The following CA10 variants were observed in gnomAD, a reference collection of about 807,000 sequenced individuals.
CA10 encodes the protein carbonic anhydrase 10 (inactive), also known as carbonic anhydrase-related protein 10.
In CA10, 14 loss-of-function variants were observed where a neutral mutation model predicts 44.2. The observed-to-expected ratio is 0.32, with a 90% CI of 0.21 to 0.50. The LOEUF (loss-of-function observed/expected upper bound fraction) is 0.50, where lower values mean the gene tolerates loss of function less well. CA10 is among the 20% of genes least tolerant of loss of function. The pLI is 0.99. For missense variants in CA10, 350 were observed against 409.7 expected, an observed-to-expected ratio of 0.85 and a Z score of 1.26; for synonymous variants, 159 against 141.6, an observed-to-expected ratio of 1.12 and a Z score of -0.87.
chr17:52,100,594 C>A (rs1988515254), intron 1 of CA10, among the ~76,000 whole-genome samples: 1 of 152,198 alleles, frequency 6.6e-6, no homozygotes, highest in Non-Finnish European at 1.5e-5. Context: ...TCCTCAACAG[C>A]ATAAAAATGT....
chr17:51,697,395 C>A lies in CA10; in HGVS notation c.466-43659G>T, dbSNP rs189131862. The stretch of plus-strand genomic sequence containing the variant: ...AAGTGCCTGCCTCAGGGCCTTTGTA[C>A]CAGCTCTTCCCTTTGCTCAAACATT... On this transcript the variant is annotated intron_variant, in intron 4 of 8. Transcript: ENST00000451037. Among the ~76,000 whole-genome samples, 12 of 152,320 alleles carry A rather than the reference C, an allele frequency of 7.9e-5. No homozygotes were observed. The East Asian group carries it at 1.7e-3, about 22-fold the overall frequency.
intron 4 of CA10, among the ~76,000 whole-genome samples, chr17:51,668,581 C>T (rs756760): frequency 0.65 from 99,477 of 152,090 alleles, 32,776 homozygotes; most frequent in Admixed American, 0.68. Flanking sequence ...CTGTTTTGTC[C>T]GGTGTACTGT....
intron 1 of CA10, among the ~76,000 whole-genome samples, chr17:52,108,194 T>TATATATATATA (rs1567735876): frequency 0.015 from 872 of 57,550 alleles, 2 homozygotes; most frequent in Non-Finnish European, 0.017. Flanking sequence ...TATATATTTT[T>TATATATATATA]TATATATATA....
intron 1 of CA10, among the ~76,000 whole-genome samples, chr17:52,155,542 C>T (rs1313295848): frequency 6.6e-6 from 1 of 152,138 alleles, no homozygotes; most frequent in Non-Finnish European, 1.5e-5. Flanking sequence ...TTCTCACATA[C>T]ATGGGCATTA....
At chr17:51,756,660 T>G (rs1412547366) in intron 3 of CA10, among the ~76,000 whole-genome samples, 2 of 151,934 alleles carry the variant, frequency 1.3e-5, no homozygotes, top group East Asian at 3.9e-4. Context: ...TATTTTTTAG[T>G]AGAGACGGGG....
intron 4 of CA10, among the ~76,000 whole-genome samples, chr17:51,737,434 A>T (rs1312294333): frequency 6.6e-6 from 1 of 152,142 alleles, no homozygotes; most frequent in African/African-American, 2.4e-5. Context: ...CTTAGAACTT[A>T]GTTATTGGCT....
intron 2 of CA10, among the ~76,000 whole-genome samples, chr17:51,933,476 C>A (rs1356686428): frequency 6.6e-6 from 1 of 152,012 alleles, no homozygotes; most frequent in African/African-American, 2.4e-5. Context: ...AATGGATTCT[C>A]CACCTAGAGC....
intron 3 of CA10, among the ~76,000 whole-genome samples, chr17:51,860,421 A>G (rs1009367061): frequency 1.2e-4 from 19 of 152,206 alleles, no homozygotes; most frequent in African/African-American, 4.3e-4. Context: ...TGACTGCAAA[A>G]CAATGGTTAG....
At chr17:51,966,554 C>G (rs1228012156) in intron 2 of CA10, among the ~76,000 whole-genome samples, 1 of 151,580 alleles carries the variant, frequency 6.6e-6, no homozygotes, top group Non-Finnish European at 1.5e-5. Context: ...ATAAGCCACA[C>G]ACCTATGAAC....
chr17:51,690,220 T>C (rs1421886223), intron 4 of CA10, among the ~76,000 whole-genome samples: 2 of 152,236 alleles, frequency 1.3e-5, no homozygotes, highest in African/African-American at 4.8e-5. Flanking sequence ...AGTGCTGGGA[T>C]TACAGGCGTG....
intron 1 of CA10, among the ~76,000 whole-genome samples, chr17:52,084,431 G>A (rs557247765): frequency 4.4e-5 from 6 of 136,494 alleles, no homozygotes; most frequent in Admixed American, 2.3e-4. Context: ...TAGAGCCAGT[G>A]AATTATGACC....
chr17:51,698,792 T>G (rs2143451499), intron 4 of CA10, among the ~76,000 whole-genome samples: 1 of 152,350 alleles, frequency 6.6e-6, no homozygotes, highest in African/African-American at 2.4e-5. Flanking sequence ...ATTCCATATA[T>G]AAGACATCAC....
chr17:51,834,977 T>C (rs1488991497), intron 3 of CA10, among the ~76,000 whole-genome samples: 1 of 152,128 alleles, frequency 6.6e-6, no homozygotes, highest in Non-Finnish European at 1.5e-5. Context: ...CCAGATATAG[T>C]GTGAGGTTGT....
chr17:51,932,334 G>T (rs193099882), intron 2 of CA10, among the ~76,000 whole-genome samples: 1 of 152,076 alleles, frequency 6.6e-6, no homozygotes, highest in Admixed American at 6.6e-5. Flanking sequence ...TTGAATAAAG[G>T]CTTTAACTTA....
intron 4 of CA10, among the ~76,000 whole-genome samples, chr17:51,686,818 C>G (rs533750433): frequency 6.6e-6 from 1 of 152,168 alleles, no homozygotes; most frequent in East Asian, 1.9e-4. Context: ...CTCTCAAGCC[C>G]CAAAAGTAAG....
chr17:51,918,748 G>GA (rs1170947537), intron 3 of CA10, among the ~76,000 whole-genome samples: 1 of 152,158 alleles, frequency 6.6e-6, no homozygotes, highest in Non-Finnish European at 1.5e-5. Flanking sequence ...TGCTCTATGA[G>GA]AAAAACAGAT....
Position 52,028,511 on chromosome 17 carries a change from G to A in CA10, c.136+43808C>T, listed in dbSNP as rs1230162965. The stretch of plus-strand genomic sequence containing the variant: ...GAAAACCTTTTAAAGGTACTGATCT[G>A]GCATGAAGTGAGGTACGACTGAAGT... On this transcript the variant is annotated intron_variant, in intron 2 of 8. Transcript: ENST00000451037. Among the ~76,000 whole-genome samples the A allele has an allele frequency of 2.0e-5, 3 of 152,144 alleles. No homozygotes were observed. In the East Asian group the frequency reaches 5.8e-4, roughly 29 times the overall value.
At chr17:52,136,687 C>T (rs891104399) in intron 1 of CA10, among the ~76,000 whole-genome samples, 2 of 152,022 alleles carry the variant, frequency 1.3e-5, no homozygotes, top group Non-Finnish European at 2.9e-5. Context: ...CCCTCTGCCC[C>T]CCTTTCTGAG....
intron 1 of CA10, among the ~76,000 whole-genome samples, chr17:52,074,302 G>A (rs935544829): frequency 6.6e-6 from 1 of 152,262 alleles, no homozygotes; most frequent in South Asian, 2.1e-4. Flanking sequence ...AGCTCTGCTA[G>A]ACATGTAAAA....
Sources: allele counts gnomAD v4.1 joint callset (sites outside exome capture counted in the v4.1 genomes callset), GRCh38; gene constraint gnomAD v4.1.1; transcripts MANE v1.5; gene names NCBI Gene and HGNC (gene_info 2026-07-23, HGNC 2026-07-21).